PDIA4: variants seen among roughly 807,000 people sequenced by gnomAD.
PDIA4 encodes protein disulfide isomerase family A member 4.
A neutral mutation model predicts 62.1 loss-of-function variants in PDIA4; 33 were observed. The ratio of observed to expected loss-of-function variants is 0.53; its 90% CI spans 0.40 to 0.71. The LOEUF (loss-of-function observed/expected upper bound fraction) is 0.71, where lower values mean the gene tolerates loss of function less well. Among genes scored for constraint, PDIA4 ranks in the 30% least tolerant of loss-of-function variants. PDIA4 has a pLI of 0.00. For synonymous variants in PDIA4, 341 were observed against 324.1 expected, an observed-to-expected ratio of 1.05 and a Z score of -0.56; for missense variants, 804 against 813.6, an observed-to-expected ratio of 0.99 and a Z score of 0.14.
intron 7 of PDIA4, among the ~76,000 whole-genome samples, chr7:149,007,116 G>A (rs1377554384): frequency 2.0e-5 from 3 of 152,168 alleles, no homozygotes; most frequent in Non-Finnish European, 4.4e-5. Flanking sequence ...TGAGTCCAGG[G>A]AAGAGGAGAG....
chr7:149,013,614 G>C (rs1233567651), intron 4 of PDIA4, among the ~76,000 whole-genome samples: 2 of 152,104 alleles, frequency 1.3e-5, no homozygotes, highest in Admixed American at 6.6e-5. Flanking sequence ...TCAAGGCGTA[G>C]TGAACTATGA....
chr7:149,021,850 G>C (rs1016965757), intron 1 of PDIA4, among the ~76,000 whole-genome samples: 1 of 152,072 alleles, frequency 6.6e-6, no homozygotes, highest in Non-Finnish European at 1.5e-5. Context: ...CACCCTCTGC[G>C]GTCTTCCCGG....
intron 1 of PDIA4, chr7:149,027,788 T>C (rs192571463): frequency 2.2e-6 from 1 of 460,226 alleles, no homozygotes; most frequent in East Asian, 7.0e-5. Flanking sequence ...TTCTCAAAGG[T>C]GCAAACCAAG....
intron 3 of PDIA4, among the ~76,000 whole-genome samples, chr7:149,017,665 CATTTTATCAAAATAA>C (rs1824189337): frequency 1.3e-5 from 2 of 149,436 alleles, no homozygotes; most frequent in African/African-American, 5.0e-5. Flanking sequence ...AAATAAAATA[CATTTTATCAAAATAA>C]AATACATTTT....
At chr7:149,026,508 G>C (rs1298188847) in intron 1 of PDIA4, among the ~76,000 whole-genome samples, 1 of 152,114 alleles carries the variant, frequency 6.6e-6, no homozygotes, top group Non-Finnish European at 1.5e-5. Context: ...AAAATTAGCT[G>C]GGTGTGGTGG....
intron 6 of PDIA4, among the ~76,000 whole-genome samples, chr7:149,010,629 G>A (rs1759587646): frequency 6.6e-6 from 1 of 152,118 alleles, no homozygotes; most frequent in South Asian, 2.1e-4. Context: ...CCCACCCCAG[G>A]ACCACAGACC....
At chr7:149,026,120 C>T (rs192418757) in intron 1 of PDIA4, among the ~76,000 whole-genome samples, 1 of 151,652 alleles carries the variant, frequency 6.6e-6, no homozygotes, top group East Asian at 1.9e-4. Context: ...ACTTGAAACA[C>T]TTGAGGGGTG....
chr7:149,006,074 G>A, intron 7 of PDIA4, 21 bp from the exon 8 acceptor site: 3 of 1,538,714 alleles, frequency 1.9e-6, no homozygotes, highest in Admixed American at 2.4e-5. Context: ...GAGGGAACAG[G>A]TGAGGGGGCC....
intron 2 of PDIA4, among the ~76,000 whole-genome samples, chr7:149,020,472 G>C (rs184380961): frequency 1.3e-5 from 2 of 152,306 alleles, no homozygotes; most frequent in South Asian, 4.1e-4. Flanking sequence ...GTAAAGACAG[G>C]AAAAGAAGTG....
chr7:149,026,640 GA>G (rs539199358), intron 1 of PDIA4, among the ~76,000 whole-genome samples: 7 of 146,360 alleles, frequency 4.8e-5, no homozygotes, highest in African/African-American at 1.8e-4. Context: ...GACAGAGCCA[GA>G]AAAAAAAAAC....
At chr7:149,019,333 G>C in intron 2 of PDIA4, 136 bp from the exon 3 acceptor site, 1 of 686,838 alleles carries the variant, frequency 1.5e-6, no homozygotes, top group Non-Finnish European at 2.6e-6. Context: ...CAGTGTGGCA[G>C]TGTTGGGAGA....
At chr7:149,005,043 T>C in intron 9 of PDIA4, 98 bp downstream of exon 9, 1 of 876,588 alleles carries the variant, frequency 1.1e-6, no homozygotes, top group Non-Finnish European at 1.9e-6. Context: ...GGGGGTGTCG[T>C]GCCCGTGGCC....
At chr7:149,005,873 C>A in intron 8 of PDIA4, 24 bp downstream of exon 8, 1 of 1,479,616 alleles carries the variant, frequency 6.8e-7, no homozygotes, top group Admixed American at 2.7e-5. Flanking sequence ...CCCACCCCCG[C>A]AGGTCTTGGT....
intron 7 of PDIA4, 71 bp downstream of exon 7, chr7:149,008,088 G>C (rs1357535378): frequency 1.4e-6 from 2 of 1,437,902 alleles, no homozygotes; most frequent in Non-Finnish European, 1.9e-6. Flanking sequence ...TGAAACCTCA[G>C]AGGTGGCTCA....
chr7:149,003,811 T>TC lies in PDIA4; in HGVS notation c.1920dup (p.Thr641AspfsTer9). 1.3e-6 allele frequency: 2 copies of TC among 1,565,676 alleles called. No individual in the cohort carries two copies. The highest frequency in any genetic ancestry group is 1.7e-6 in the Non-Finnish European group (2 of 1,155,330). On this transcript the variant is annotated frameshift_variant, in exon 10 of 10. Transcript: ENST00000652332. LOFTEE classifies it high-confidence loss of function. Reference sequence around the variant, plus strand: ...TCAGGCCTTCAAAGCTCTTCCTTGGTCCTGCTCAGTTTTGTGGCATGTTCT... The same window carrying TC: ...TCAGGCCTTCAAAGCTCTTCCTTGGTCCCTGCTCAGTTTTGTGGCATGTTCT...
intron 1 of PDIA4, among the ~76,000 whole-genome samples, chr7:149,024,325 GCCCCTA>G (rs1824461943): frequency 3.7e-5 from 1 of 27,144 alleles, no homozygotes; most frequent in South Asian, 3.0e-3. Flanking sequence ...GACTCTCAAG[GCCCCTA>G]CCTTTCCATT....
chr7:149,027,734 G>A (rs1453614733), intron 1 of PDIA4: 2 of 407,364 alleles, frequency 4.9e-6, no homozygotes, highest in East Asian at 1.4e-4. Context: ...TACAGGGACT[G>A]GCACACAGTA....
intron 6 of PDIA4, 65 bp from the exon 7 acceptor site, chr7:149,008,375 T>C: frequency 6.7e-7 from 1 of 1,501,944 alleles, no homozygotes; most frequent in Non-Finnish European, 9.2e-7. Flanking sequence ...TTTAATTCGT[T>C]ACCCACATCA....
At chr7:149,025,043 C>A (rs1207179594) in intron 1 of PDIA4, among the ~76,000 whole-genome samples, 1 of 125,352 alleles carries the variant, frequency 8.0e-6, no homozygotes, top group Non-Finnish European at 1.6e-5. Flanking sequence ...GCACTCCAGC[C>A]TGGACAACAA....
Sources: allele counts gnomAD v4.1 joint callset (sites outside exome capture counted in the v4.1 genomes callset), GRCh38; gene constraint gnomAD v4.1.1; transcripts MANE v1.5; gene names NCBI Gene and HGNC (gene_info 2026-07-23, HGNC 2026-07-21).